PSG11: variants seen among roughly 807,000 people sequenced by gnomAD.
PSG11 encodes pregnancy-specific beta-1-glycoprotein 11.
A neutral mutation model predicts 36.0 loss-of-function variants in PSG11; 42 were observed. That is an observed-to-expected ratio of 1.17 (90% CI 0.91 to 1.51). The LOEUF is 1.51. PSG11 is among the 40% of genes most tolerant of loss of function. The pLI, the probability that PSG11 is intolerant of heterozygous loss-of-function variation, is 0.00. For missense variants in PSG11, 558 were observed against 403.5 expected, an observed-to-expected ratio of 1.38 and a Z score of -3.28; for synonymous variants, 206 against 153.5, an observed-to-expected ratio of 1.34 and a Z score of -2.53.
At chr19:43,021,044 G>C (rs1967089510) in intron 2 of PSG11, among the ~76,000 whole-genome samples, 1 of 151,258 alleles carries the variant, frequency 6.6e-6, no homozygotes, top group Admixed American at 6.6e-5. Context: ...ATGTGGCACA[G>C]GCAGTAAAAC....
chr19:43,026,401 G>C lies in PSG11; in HGVS notation c.-29C>G, dbSNP rs1215126889. ...CTCTGCTGCGTGCATGTTCTCCTCT[G>C]TGGAGATGAGCCTAGGATCCAGAAG... On this transcript the variant is annotated 5_prime_UTR_variant, in exon 1 of 6. Coordinates refer to ENST00000320078, the MANE Select transcript of PSG11 (RefSeq NM_002785.3). The C allele has an allele frequency of 1.2e-6, 2 of 1,606,130 alleles. No homozygotes were observed. The highest frequency in any genetic ancestry group is 1.4e-5 in the African/African-American group (1 of 74,056).
At chr19:43,025,543 A>G (rs2526712) in intron 1 of PSG11, among the ~76,000 whole-genome samples, 86,591 of 150,474 alleles carry the variant, frequency 0.58, 27,569 homozygotes, top group East Asian at 0.99. Flanking sequence ...CCATGGCAGC[A>G]TGAGCTCCGT....
In PSG11 at chr19:43,023,571, T is replaced by C. The variant is rs755046840; in HGVS notation, c.430+1120A>G. ...GAGTATAGACTAATCAGCTGACCAT[T>C]TGCTCTCACTCCTCTGAGGTTTGGA... On this transcript the variant is annotated intron_variant, in intron 2 of 5. Coordinates refer to ENST00000320078, the MANE Select transcript of PSG11 (RefSeq NM_002785.3). Among the ~76,000 whole-genome samples, 46 of 151,278 alleles carry C rather than the reference T, an allele frequency of 3.0e-4. 2 individuals carry two copies. Among genetic ancestry groups the C allele is most frequent in the Non-Finnish European group, 4.9e-4 (33 of 67,852 alleles).
intron 5 of PSG11, among the ~76,000 whole-genome samples, chr19:43,008,612 A>G (rs1973992345): frequency 6.6e-6 from 1 of 151,202 alleles, no homozygotes; most frequent in Non-Finnish European, 1.5e-5. Context: ...CATAAATATT[A>G]TTTAGAGAAG....
intron 3 of PSG11, chr19:43,016,049 T>C: frequency 1.2e-6 from 2 of 1,606,844 alleles, no homozygotes; most frequent in African/African-American, 1.3e-5. Flanking sequence ...AGCTTTGCTG[T>C]GTGGATAACA....
At chr19:43,015,693 A>G in intron 3 of PSG11, 19 of 1,585,132 alleles carry the variant, frequency 1.2e-5, no homozygotes, top group Non-Finnish European at 1.5e-5. Flanking sequence ...TGGACCGGAG[A>G]GAGACTGAGA....
At position 43,008,459 on chromosome 19, in the gene PSG11, G is replaced by T. The variant is rs1386744355; in HGVS notation, c.*41-417C>A. ...AGCTAATTTTGTTTTTGCGTTTTTG[G>T]TAGAGATGGGGTTTCACTGTGTTAG... On this transcript the variant is annotated intron_variant, in intron 5 of 5. Coordinates refer to ENST00000320078, the MANE Select transcript of PSG11 (RefSeq NM_002785.3). Among the ~76,000 whole-genome samples the T allele has an allele frequency of 4.6e-5, 7 of 150,870 alleles. No homozygotes were observed. In the Admixed American group the frequency reaches 4.6e-4, roughly 10 times the overall value.
chr19:43,018,618 G>T, intron 3 of PSG11, 152 bp downstream of exon 3: 1 of 1,543,522 alleles, frequency 6.5e-7, no homozygotes, highest in Non-Finnish European at 8.9e-7. Flanking sequence ...TAGGCCTACT[G>T]TGGTTTGTCT....
Position 43,015,247 on chromosome 19 carries a change from T to A in PSG11, c.833A>T (p.Lys278Met), listed in dbSNP as rs145721125. 1.9e-6 allele frequency: 3 copies of A among 1,611,544 alleles called. No individual in the cohort carries two copies. Among genetic ancestry groups the A allele is most frequent in the African/African-American group, 1.3e-5 (1 of 74,518 alleles). ...PAQYSWTING[K>M]FQLSGQKLFI... The stretch of plus-strand genomic sequence containing the variant: ...GAGCTTTTGTCCTGATAGCTGAAAC[T>A]TCCCATTAATTGTCCAAGAATACTG... Residue 278 changes from lysine to methionine, a missense_variant, in exon 4 of 6, where the codon AAG becomes ATG. Coordinates refer to ENST00000320078, the MANE Select transcript of PSG11 (RefSeq NM_002785.3).
Position 43,020,424 on chromosome 19 carries a change from A to G in PSG11, c.431-1376T>C, listed in dbSNP as rs1312954040. 2.6e-5 allele frequency among the ~76,000 whole-genome samples: 4 copies of G among 151,312 alleles called. No homozygotes were observed. The East Asian group carries it at 5.8e-4, about 22-fold the overall frequency. On this transcript the variant is annotated intron_variant, in intron 2 of 5. Coordinates refer to ENST00000320078, the MANE Select transcript of PSG11 (RefSeq NM_002785.3). ...GATTTCTGGATTTGGGATGCTCCAT[A>G]TTTAATACTGTAATTATCCCATAAA...
intron 2 of PSG11, 136 bp from the exon 3 acceptor site, chr19:43,019,184 A>G: frequency 6.7e-7 from 1 of 1,494,032 alleles, no homozygotes; most frequent in East Asian, 2.3e-5. Flanking sequence ...TGTGTGTGTT[A>G]CAACACAGAT....
chr19:43,009,450 A>T (rs1974016900), intron 5 of PSG11, among the ~76,000 whole-genome samples: 1 of 151,398 alleles, frequency 6.6e-6, no homozygotes, highest in South Asian at 2.1e-4. Flanking sequence ...AAGTAGAGGT[A>T]AAGGAAGTGA....
intron 3 of PSG11, chr19:43,018,333 G>C: frequency 3.2e-6 from 1 of 315,002 alleles, no homozygotes; most frequent in East Asian, 7.2e-5. Flanking sequence ...ATGGTAATAG[G>C]TGTATGAGGA....
At chr19:43,015,858 A>C in intron 3 of PSG11, 1 of 1,610,054 alleles carries the variant, frequency 6.2e-7, no homozygotes, top group South Asian at 1.1e-5. Flanking sequence ...TTCTCGTGAC[A>C]CTGGGTAGAA....
At chr19:43,010,667 A>T (rs1175095627) in intron 4 of PSG11, 1 of 227,624 alleles carries the variant, frequency 4.4e-6, no homozygotes, top group Non-Finnish European at 8.9e-6. Context: ...AGCTCTGCAT[A>T]GTGGTCTGTG....
rs561955725 is a variant in PSG11 at position 43,008,382 on chromosome 19, T to C, written c.*41-340A>G. Among the ~76,000 whole-genome samples the C allele has an allele frequency of 3.0e-4, 45 of 151,224 alleles. 1 individual carries two copies. The highest frequency in any genetic ancestry group is 1.1e-3 in the African/African-American group (44 of 41,028). ...CTGCCTCCCGGGTTCATGCCATTCT[T>C]CTGCCTCAGCCTCCTGAGTAGCTGG... On this transcript the variant is annotated intron_variant, in intron 5 of 5. Coordinates refer to ENST00000320078, the MANE Select transcript of PSG11 (RefSeq NM_002785.3).
rs1240984073 is a variant in PSG11, at chr19:43,026,391, G to T, written c.-19C>A. ...GCCCCATGATCTCTGCTGCGTGCAT[G>T]TTCTCCTCTGTGGAGATGAGCCTAG... On this transcript the variant is annotated 5_prime_UTR_variant, in exon 1 of 6. Coordinates refer to ENST00000320078, the MANE Select transcript of PSG11 (RefSeq NM_002785.3). 6.2e-7 allele frequency: 1 copy of T among 1,607,530 alleles called. No homozygotes were observed. Among genetic ancestry groups the T allele is most frequent in the South Asian group, 1.1e-5 (1 of 90,738 alleles).
At chr19:43,022,517 T>C (rs1055593298) in intron 2 of PSG11, among the ~76,000 whole-genome samples, 3 of 151,366 alleles carry the variant, frequency 2.0e-5, no homozygotes, top group African/African-American at 7.3e-5. Context: ...CTGATTTCAG[T>C]AATAATAAAC....
At chr19:43,014,003 G>A (rs1488667273) in intron 4 of PSG11, 1 of 151,340 alleles carries the variant, frequency 6.6e-6, no homozygotes, top group Non-Finnish European at 1.5e-5. Flanking sequence ...TATGCTAACT[G>A]AAATAAGCCA....
Sources: allele counts gnomAD v4.1 joint callset (sites outside exome capture counted in the v4.1 genomes callset), GRCh38; gene constraint gnomAD v4.1.1; transcripts MANE v1.5; gene names NCBI Gene and HGNC (gene_info 2026-07-23, HGNC 2026-07-21).